IL1RAPL1: variants seen among roughly 807,000 people sequenced by gnomAD.
IL1RAPL1 encodes the protein interleukin-1 receptor accessory protein-like 1.
In IL1RAPL1, 3 loss-of-function variants were observed where a neutral mutation model predicts 48.4. That is an observed-to-expected ratio of 0.06 (90% confidence interval 0.03 to 0.16). The LOEUF (loss-of-function observed/expected upper bound fraction) is 0.16. Among genes scored for constraint, IL1RAPL1 ranks in the 10% least tolerant of loss-of-function variants. IL1RAPL1 has a pLI of 1.00. For synonymous variants in IL1RAPL1, 185 were observed against 187.7 expected (o/e 0.99, Z 0.12); for missense variants, 349 against 530.6 (o/e 0.66, Z 3.36).
chrX:29,158,939 CCTCCCTCCCT>C (rs751581358), intron 2 of IL1RAPL1, among the ~76,000 whole-genome samples: 1,141 of 58,525 alleles, frequency 0.019, 12 homozygotes, highest in African/African-American at 0.03. Context: ...TCTCCCCCCC[CCTCCCTCCCT>C]CTCCCTCTCT....
chrX:28,834,646 T>A (rs1227348252), intron 2 of IL1RAPL1, among the ~76,000 whole-genome samples: 4 of 111,710 alleles, frequency 3.6e-5, no homozygotes, highest in Non-Finnish European at 1.9e-5. Context: ...TTATGTTCGC[T>A]TTGAGCTGGG....
intron 2 of IL1RAPL1, among the ~76,000 whole-genome samples, chrX:28,914,588 C>A (rs914636162): frequency 3.6e-5 from 4 of 111,955 alleles, no homozygotes; most frequent in African/African-American, 1.3e-4. Flanking sequence ...AACATTTGAA[C>A]CTTTTTTTTT....
At chrX:28,999,629 G>T in intron 2 of IL1RAPL1, among the ~76,000 whole-genome samples, 1 of 111,269 alleles carries the variant, frequency 9.0e-6, no homozygotes, top group African/African-American at 3.3e-5. Context: ...TTATCCTTTT[G>T]AAGTTCAACA....
intron 2 of IL1RAPL1, among the ~76,000 whole-genome samples, chrX:28,910,258 A>G (rs940587436): frequency 3.6e-5 from 4 of 111,395 alleles, no homozygotes; most frequent in Non-Finnish European, 7.6e-5. Context: ...AGAATCACTG[A>G]TAACTTTTGC....
chrX:29,843,445 A>G lies in IL1RAPL1; in HGVS notation c.779-74019A>G, dbSNP rs768594440. Reference sequence around the variant, plus strand: ...TGAATTTTAGAACTAAAAAGTCAGTATAAAAACAGATGGTTACATTTTGTG... The same window carrying G: ...TGAATTTTAGAACTAAAAAGTCAGTGTAAAAACAGATGGTTACATTTTGTG... On this transcript the variant is annotated intron_variant, in intron 6 of 10. Transcript: ENST00000378993. Among the ~76,000 whole-genome samples, 3 of 112,426 alleles carry G rather than the reference A, an allele frequency of 2.7e-5. No individual in the cohort carries two copies. In the East Asian group the frequency reaches 8.4e-4, roughly 31 times the overall value.
At chrX:28,996,509 C>A (rs1925728486) in intron 2 of IL1RAPL1, among the ~76,000 whole-genome samples, 1 of 110,972 alleles carries the variant, frequency 9.0e-6, no homozygotes, top group Non-Finnish European at 1.9e-5. Context: ...TATGTTTAAT[C>A]TTTTGAGGTA....
intron 2 of IL1RAPL1, among the ~76,000 whole-genome samples, chrX:29,091,341 A>G (rs1024197991): frequency 9.0e-6 from 1 of 111,600 alleles, no homozygotes; most frequent in African/African-American, 3.3e-5. Context: ...TGTTTTTACC[A>G]GAACTCTTTA....
At chrX:28,726,352 A>C (rs1935676749) in intron 1 of IL1RAPL1, among the ~76,000 whole-genome samples, 1 of 112,429 alleles carries the variant, frequency 8.9e-6, no homozygotes, top group Admixed American at 9.4e-5. Flanking sequence ...AATAACACAC[A>C]CTACTTGATT....
intron 7 of IL1RAPL1, among the ~76,000 whole-genome samples, chrX:29,918,800 A>G (rs1932824274): frequency 8.9e-6 from 1 of 112,357 alleles, no homozygotes. Context: ...TCATTTAAGT[A>G]TCAATTATAA....
intron 6 of IL1RAPL1, among the ~76,000 whole-genome samples, chrX:29,725,572 T>G (rs889054564): frequency 2.7e-5 from 3 of 111,507 alleles, no homozygotes; most frequent in Non-Finnish European, 5.6e-5. Flanking sequence ...GACTCCCAAG[T>G]CTCTGCTGTT....
intron 2 of IL1RAPL1, among the ~76,000 whole-genome samples, chrX:29,206,004 G>A (rs1289217010): frequency 2.7e-5 from 3 of 110,540 alleles, no homozygotes; most frequent in Non-Finnish European, 3.8e-5. Flanking sequence ...CTCCCAAAAT[G>A]CATGCTGGGA....
intron 2 of IL1RAPL1, among the ~76,000 whole-genome samples, chrX:29,173,136 G>C (rs189410208): frequency 1.8e-5 from 2 of 111,484 alleles, no homozygotes; most frequent in East Asian, 2.8e-4. Context: ...CTTCCTGAGA[G>C]ATTGTGATTT....
Position 28,788,396 on chromosome X carries a change from C to T in IL1RAPL1, c.-24-924C>T, listed in dbSNP as rs758757535. 5.4e-5 allele frequency among the ~76,000 whole-genome samples: 6 copies of T among 111,767 alleles called. No homozygotes were observed. The East Asian group carries it at 1.4e-3, about 26-fold the overall frequency. ...AAATCCAAACACACTAGGTTAGTGTCCCTTCTTATATTCCTCTGCAAGCCT... is the reference window on the plus strand; with the variant it reads ...AAATCCAAACACACTAGGTTAGTGTTCCTTCTTATATTCCTCTGCAAGCCT... On this transcript the variant is annotated intron_variant, in intron 1 of 10. Coordinates refer to ENST00000378993, the MANE Select transcript of IL1RAPL1 (RefSeq NM_014271.4).
intron 6 of IL1RAPL1, among the ~76,000 whole-genome samples, chrX:29,786,936 G>A (rs140333068): frequency 1.9e-4 from 21 of 111,683 alleles, no homozygotes; most frequent in African/African-American, 6.5e-4. Flanking sequence ...GGCAGGGATC[G>A]GGTGAAGAGA....
intron 6 of IL1RAPL1, among the ~76,000 whole-genome samples, chrX:29,859,294 G>T (rs1296721812): frequency 8.9e-6 from 1 of 111,768 alleles, no homozygotes; most frequent in African/African-American, 3.2e-5. Flanking sequence ...TTCTTTTACA[G>T]TTGGTAACAC....
At chrX:28,754,865 TGTAGG>T (rs1374362200) in intron 1 of IL1RAPL1, among the ~76,000 whole-genome samples, 8 of 112,589 alleles carry the variant, frequency 7.1e-5, no homozygotes, top group Non-Finnish European at 1.5e-4. Flanking sequence ...TTTCTTTGGA[TGTAGG>T]GTAGCTACAT....
chrX:29,111,918 C>T (rs1377957745), intron 2 of IL1RAPL1, among the ~76,000 whole-genome samples: 1 of 98,555 alleles, frequency 1.0e-5, no homozygotes, highest in Non-Finnish European at 2.0e-5. Context: ...GTTGTATTTT[C>T]ACTTTTCTTT....
At chrX:29,517,300 C>T (rs1037547354) in intron 5 of IL1RAPL1, among the ~76,000 whole-genome samples, 1 of 109,943 alleles carries the variant, frequency 9.1e-6, no homozygotes, top group Non-Finnish European at 1.9e-5. Context: ...TATTTATAGA[C>T]ATATATCCTT....
At chrX:29,466,614 G>A (rs925673350) in intron 5 of IL1RAPL1, among the ~76,000 whole-genome samples, 4 of 111,995 alleles carry the variant, frequency 3.6e-5, no homozygotes, top group African/African-American at 1.3e-4. Context: ...AAACAGATTA[G>A]TGCTGAAGTT....
Sources: allele counts gnomAD v4.1 joint callset (sites outside exome capture counted in the v4.1 genomes callset), GRCh38; gene constraint gnomAD v4.1.1; transcripts MANE v1.5; gene names NCBI Gene and HGNC (gene_info 2026-07-23, HGNC 2026-07-21).